NFYC: variants seen among roughly 807,000 people sequenced by gnomAD.
NFYC encodes nuclear transcription factor Y subunit gamma.
Under a neutral mutation model 53.1 loss-of-function variants are expected in NFYC, and 25 were observed. That is an observed-to-expected ratio of 0.47 (90% CI 0.34 to 0.66). The LOEUF (loss-of-function observed/expected upper bound fraction) is 0.66, where lower values mean the gene tolerates loss of function less well. Among genes scored for constraint, NFYC ranks in the 30% least tolerant of loss-of-function variants. The pLI is 0.01. For missense variants in NFYC, 260 were observed against 422.7 expected (o/e 0.62, Z 3.38); for synonymous variants, 145 against 152.6 (o/e 0.95, Z 0.37).
At chr1:40,700,767 CAA>C (rs1204610094) in intron 1 of NFYC, among the ~76,000 whole-genome samples, 1 of 152,136 alleles carries the variant, frequency 6.6e-6, no homozygotes, top group African/African-American at 2.4e-5. Context: ...AAGGAGATGA[CAA>C]ATTCTGAATT....
chr1:40,771,461 T>G lies in NFYC; in HGVS notation c.*633T>G. On this transcript the variant is annotated 3_prime_UTR_variant, in exon 10 of 10. Coordinates refer to ENST00000447388, the MANE Select transcript of NFYC (RefSeq NM_014223.5). ...TGGGTGGATTCATTGCCACACTCTT[T>G]TCTCCCAGGGACCCAGGAAACTAGG... 2.1e-6 allele frequency: 1 copy of G among 470,496 alleles called. No individual in the cohort carries two copies. The highest frequency in any genetic ancestry group is 1.6e-5 in the South Asian group (1 of 64,384). 29.1% of individuals were successfully genotyped at this position (470,496 alleles called of 1,614,324 possible).
At chr1:40,738,144 C>T (rs1490375210) in intron 1 of NFYC, among the ~76,000 whole-genome samples, 3 of 152,106 alleles carry the variant, frequency 2.0e-5, no homozygotes, top group Non-Finnish European at 2.9e-5. Context: ...CCTTGTGATC[C>T]GCCCGCCTCG....
At chr1:40,736,302 A>G (rs1313548803) in intron 1 of NFYC, among the ~76,000 whole-genome samples, 1 of 152,220 alleles carries the variant, frequency 6.6e-6, no homozygotes, top group African/African-American at 2.4e-5. Flanking sequence ...AAAAAAAAAG[A>G]AAAAAATCAG....
At chr1:40,759,662 T>C (rs1367696020) in intron 6 of NFYC, among the ~76,000 whole-genome samples, 1 of 151,978 alleles carries the variant, frequency 6.6e-6, no homozygotes, top group African/African-American at 2.4e-5. Flanking sequence ...CTGAGAAAGA[T>C]GTGAACGAGG....
rs1645799721 is a variant in NFYC, at chr1:40,749,589, C to T, written c.194C>T (p.Ala65Val). 2 of 1,613,842 alleles carry T rather than the reference C, an allele frequency of 1.2e-6. No individual in the cohort carries two copies. Among genetic ancestry groups the T allele is most frequent in the Admixed American group, 1.7e-5 (1 of 60,002 alleles). ...CTGTTACAGATGATCAGTGCAGAAG[C>T]GCCTGTACTCTTTGCCAAGGCAGCC... ...DEDVKMISAE[A>V]PVLFAKAAQI... Residue 65 changes from alanine (A) to valine (V), a missense_variant, in exon 4 of 10, where the codon GCG becomes GTG. Ala to Val is a moderately conservative substitution (Grantham distance 64). Transcript: ENST00000447388.
At chr1:40,693,990 A>C (rs191546143) in intron 1 of NFYC, among the ~76,000 whole-genome samples, 13 of 152,236 alleles carry the variant, frequency 8.5e-5, no homozygotes, top group Non-Finnish European at 1.5e-4. Context: ...TTTACCAAGT[A>C]AATTGCTGCA....
At chr1:40,730,151 C>T (rs957560666) in intron 1 of NFYC, among the ~76,000 whole-genome samples, 1 of 151,474 alleles carries the variant, frequency 6.6e-6, no homozygotes, top group African/African-American at 2.4e-5. Context: ...GCTAGGACCA[C>T]AGGTGCATGC....
At chr1:40,707,753 C>G (rs1483128782) in intron 1 of NFYC, among the ~76,000 whole-genome samples, 1 of 151,198 alleles carries the variant, frequency 6.6e-6, no homozygotes, top group East Asian at 1.9e-4. Context: ...GTGGGAAGAT[C>G]GCTTGAGCCC....
intron 1 of NFYC, chr1:40,735,728 T>TC: frequency 2.0e-6 from 2 of 985,410 alleles, no homozygotes; most frequent in Non-Finnish European, 2.4e-6. Context: ...ATGAGGCCTG[T>TC]CCAGGGACCC....
In NFYC at chr1:40,711,830, T is replaced by C. The variant is rs151218526; in HGVS notation, c.-9+19963T>C. On this transcript the variant is annotated intron_variant, in intron 1 of 9. Transcript: ENST00000447388. ...GAGGCTTAGATGGGGTCTAGAGATA[T>C]GGACATTTATTTACTCTGATCACAG... Among the ~76,000 whole-genome samples, 88 of 152,320 alleles carry C rather than the reference T, an allele frequency of 5.8e-4. 1 individual carries two copies. The highest frequency in any genetic ancestry group is 2.0e-3 in the African/African-American group (84 of 41,582).
intron 1 of NFYC, among the ~76,000 whole-genome samples, chr1:40,702,359 T>C (rs1008316799): frequency 4.7e-4 from 58 of 124,026 alleles, no homozygotes; most frequent in African/African-American, 1.6e-3. Context: ...TTTTTTTTTT[T>C]CGAGAGGGAG....
chr1:40,749,551 G>A (rs776486441), intron 3 of NFYC, 22 bp from the exon 4 acceptor site: 5 of 1,587,196 alleles, frequency 3.2e-6, no homozygotes, highest in South Asian at 1.1e-5. Flanking sequence ...TGATTGACAG[G>A]GAGGGCCTGT....
intron 8 of NFYC, chr1:40,767,022 C>A (rs757300607): frequency 4.6e-6 from 7 of 1,516,596 alleles, no homozygotes; most frequent in Middle Eastern, 1.7e-4. Context: ...ATCGCCTGAT[C>A]GTCAGGCTGT....
At chr1:40,769,522 C>A in intron 9 of NFYC, 107 bp downstream of exon 9, 1 of 879,608 alleles carries the variant, frequency 1.1e-6, no homozygotes, top group Non-Finnish European at 1.9e-6. Flanking sequence ...CCTCTACTAA[C>A]AGTGAGTGGA....
At chr1:40,692,961 C>T (rs1489114829) in intron 1 of NFYC, among the ~76,000 whole-genome samples, 1 of 152,138 alleles carries the variant, frequency 6.6e-6, no homozygotes, top group East Asian at 1.9e-4. Flanking sequence ...GGATACAGGT[C>T]ATGGCTGAGT....
intron 1 of NFYC, among the ~76,000 whole-genome samples, chr1:40,706,640 A>G (rs56198862): frequency 0.035 from 5,275 of 152,218 alleles, 154 homozygotes; most frequent in Non-Finnish European, 0.056. Context: ...AGATGCTTGT[A>G]TTTGAATGTG....
At chr1:40,732,372 C>T (rs1324998471) in intron 1 of NFYC, among the ~76,000 whole-genome samples, 2 of 152,198 alleles carry the variant, frequency 1.3e-5, no homozygotes, top group Admixed American at 1.3e-4. Context: ...CATGCCCAGG[C>T]ATATCACTAA....
intron 1 of NFYC, among the ~76,000 whole-genome samples, chr1:40,727,989 A>G (rs1189372989): frequency 6.6e-6 from 1 of 152,082 alleles, no homozygotes; most frequent in Admixed American, 6.6e-5. Context: ...CCTAGGCTGG[A>G]GTGCAGTGGT....
At chr1:40,712,385 A>C (rs1222418035) in intron 1 of NFYC, 1 of 152,170 alleles carries the variant, frequency 6.6e-6, no homozygotes, top group Non-Finnish European at 1.5e-5. Context: ...GATTTTTAAA[A>C]AACTCTTGTT....
Sources: allele counts gnomAD v4.1 joint callset (sites outside exome capture counted in the v4.1 genomes callset), GRCh38; gene constraint gnomAD v4.1.1; transcripts MANE v1.5; gene names NCBI Gene and HGNC (gene_info 2026-07-23, HGNC 2026-07-21).